The following PLEKHG1 variants were observed in gnomAD, a reference collection of about 807,000 sequenced individuals.
PLEKHG1 encodes the protein pleckstrin homology domain-containing family G member 1.
A neutral mutation model predicts 100.8 loss-of-function variants in PLEKHG1; 44 were observed. The observed-to-expected ratio is 0.44, with a 90% CI of 0.34 to 0.56. The LOEUF (loss-of-function observed/expected upper bound fraction) is 0.56. Among genes scored for constraint, PLEKHG1 ranks in the 20% least tolerant of loss-of-function variants. The pLI is 0.01. For synonymous variants in PLEKHG1, 640 were observed against 662.5 expected (o/e 0.97, Z 0.52); for missense variants, 1,545 against 1,720.9 (o/e 0.90, Z 1.81).
intron 1 of PLEKHG1, among the ~76,000 whole-genome samples, chr6:150,630,957 T>C (rs1777723949): frequency 6.6e-6 from 1 of 152,076 alleles, no homozygotes; most frequent in Non-Finnish European, 1.5e-5. Context: ...GAGTCGATCA[T>C]TGGATTTTGC....
chr6:150,719,370 C>T (rs551232829), upstream of PLEKHG1, among the ~76,000 whole-genome samples: 4 of 152,194 alleles, frequency 2.6e-5, no homozygotes, highest in South Asian at 8.3e-4. Context: ...AGGCTGTGCA[C>T]GATGGATGAG....
At chr6:150,804,587 AC>A (rs35118684) in intron 6 of PLEKHG1, 22 bp from the exon 8 acceptor site, 306,779 of 1,434,014 alleles carry the variant, frequency 0.21, 11,820 homozygotes, top group East Asian at 0.35. Context: ...AAAAAAAAAA[AC>A]CCTCGTTCTT....
intron 2 of PLEKHG1, among the ~76,000 whole-genome samples, chr6:150,735,636 A>G (rs984143095): frequency 2.0e-5 from 3 of 152,346 alleles, no homozygotes; most frequent in Admixed American, 6.5e-5. Flanking sequence ...TGTTTTTTAA[A>G]AAGTTCAACA....
chr6:150,645,258 A>G (rs1778446033), intron 2 of PLEKHG1, among the ~76,000 whole-genome samples: 1 of 152,210 alleles, frequency 6.6e-6, no homozygotes, highest in Non-Finnish European at 1.5e-5. Context: ...GTAATTGGTT[A>G]TCCTTATGGA....
intron 1 of PLEKHG1, among the ~76,000 whole-genome samples, chr6:150,612,205 C>G (rs1020731873): frequency 9.2e-5 from 14 of 152,326 alleles, no homozygotes; most frequent in African/African-American, 3.1e-4. Context: ...CCCTTCCCAG[C>G]CTTTTAGACT....
chr6:150,770,742 G>A (rs1177564638), intron 3 of PLEKHG1, among the ~76,000 whole-genome samples: 1 of 152,134 alleles, frequency 6.6e-6, no homozygotes. Flanking sequence ...TTGTGCAATC[G>A]CTGATGATAA....
intron 3 of PLEKHG1, among the ~76,000 whole-genome samples, chr6:150,778,517 C>T (rs79606220): frequency 5.3e-5 from 8 of 152,184 alleles, no homozygotes; most frequent in African/African-American, 1.9e-4. Flanking sequence ...CTGTCCCAAC[C>T]TTCTTTCACC....
chr6:150,626,962 A>G (rs1429376956), intron 1 of PLEKHG1, among the ~76,000 whole-genome samples: 1 of 152,200 alleles, frequency 6.6e-6, no homozygotes, highest in East Asian at 1.9e-4. Flanking sequence ...TAGCAACTAA[A>G]CCATTCTTTA....
At chr6:150,748,831 G>A (rs567017090) in intron 2 of PLEKHG1, among the ~76,000 whole-genome samples, 2 of 151,944 alleles carry the variant, frequency 1.3e-5, no homozygotes, top group East Asian at 3.9e-4. Context: ...TCACCATGTT[G>A]GCCAAGCTGG....
At chr6:150,836,203 C>A (rs189382455) in intron 15 of PLEKHG1, among the ~76,000 whole-genome samples, 1 of 151,962 alleles carries the variant, frequency 6.6e-6, no homozygotes, top group African/African-American at 2.4e-5. Context: ...ATGGTGAAAT[C>A]TCGTCTCTAC....
chr6:150,616,386 C>A (rs1032792201), intron 1 of PLEKHG1, among the ~76,000 whole-genome samples: 2 of 152,114 alleles, frequency 1.3e-5, no homozygotes, highest in Non-Finnish European at 2.9e-5. Flanking sequence ...AGGAAGGTAC[C>A]ATTAGAAGAT....
At chr6:150,652,971 C>T (rs1284115424) in intron 3 of PLEKHG1, among the ~76,000 whole-genome samples, 1 of 152,134 alleles carries the variant, frequency 6.6e-6, no homozygotes, top group Non-Finnish European at 1.5e-5. Context: ...GATTACTTTG[C>T]TTGTGTCAGA....
At chr6:150,737,924 C>T (rs1782659168) in intron 2 of PLEKHG1, among the ~76,000 whole-genome samples, 1 of 152,100 alleles carries the variant, frequency 6.6e-6, no homozygotes, top group African/African-American at 2.4e-5. Context: ...CTGCCTCAGC[C>T]TCCCATGTAT....
chr6:150,667,715 C>A (rs1562423300), intron 3 of PLEKHG1, among the ~76,000 whole-genome samples: 1 of 152,114 alleles, frequency 6.6e-6, no homozygotes, highest in Non-Finnish European at 1.5e-5. Context: ...CCTCACACAC[C>A]CTCTATGCTG....
chr6:150,808,827 A>G (rs1341108461), intron 7 of PLEKHG1, among the ~76,000 whole-genome samples: 1 of 152,052 alleles, frequency 6.6e-6, no homozygotes, highest in Non-Finnish European at 1.5e-5. Context: ...CTTTGGAACG[A>G]TGTAAGGGCT....
At chr6:150,743,962 T>C (rs1348327270) in intron 2 of PLEKHG1, among the ~76,000 whole-genome samples, 1 of 152,230 alleles carries the variant, frequency 6.6e-6, no homozygotes, top group Admixed American at 6.5e-5. Context: ...AGATACCTAA[T>C]AGAACGATGC....
chr6:150,834,846 C>T (rs944861116), intron 15 of PLEKHG1, among the ~76,000 whole-genome samples: 38 of 152,330 alleles, frequency 2.5e-4, no homozygotes, highest in African/African-American at 8.7e-4. Flanking sequence ...GGCAGAGGCA[C>T]GTCCCTAGGA....
intron 2 of PLEKHG1, among the ~76,000 whole-genome samples, chr6:150,644,713 C>A (rs899868680): frequency 2.0e-5 from 3 of 151,836 alleles, no homozygotes; most frequent in African/African-American, 7.3e-5. Context: ...AATATCCTTT[C>A]TAGAAAAAAA....
Position 150,750,780 on chromosome 6 carries a change from C to CAA in PLEKHG1, c.411+16710_411+16711dup, listed in dbSNP as rs1158670858. ...TGGGCGACAGAGCGAGACTCCATCT[C>CAA]AAAAAAAAAAAAAAAAAAAAAAAGG... is the stretch of plus-strand genomic sequence containing the variant. On this transcript the variant is annotated intron_variant, in intron 2 of 15. Coordinates refer to ENST00000358517, the Ensembl canonical transcript of PLEKHG1. 4.5e-3 allele frequency among the ~76,000 whole-genome samples: 163 copies of CAA among 36,452 alleles called. 1 individual carries two copies. Among genetic ancestry groups the CAA allele is most frequent in the Non-Finnish European group, 5.4e-3 (96 of 17,710 alleles). The allele number at this position is 36,452 out of a possible 152,430, so 23.9% of individuals were successfully genotyped here.
Sources: gnomAD v4.1 joint callset for allele counts (sites outside exome capture counted in the v4.1 genomes callset) on GRCh38, gnomAD v4.1.1 for gene constraint, MANE v1.5 for transcripts, NCBI Gene and HGNC (gene_info 2026-07-23, HGNC 2026-07-21) for gene names.